Variants in CDH4 observed in about 807,000 individuals in gnomAD.
The protein encoded by CDH4 is cadherin 4.
CDH4 carries 33 observed loss-of-function variants against 86.0 expected under a neutral mutation model. The observed-to-expected ratio is 0.38, with a 90% CI of 0.29 to 0.51. The LOEUF is 0.51. Ranked by LOEUF, CDH4 falls within the 20% of genes least tolerant of loss-of-function variation. CDH4 has a pLI of 0.86. For missense variants in CDH4, 1,114 were observed against 1,307.4 expected, an observed-to-expected ratio of 0.85 and a Z score of 2.28; for synonymous variants, 555 against 549.4, an observed-to-expected ratio of 1.01 and a Z score of -0.14.
chr20:61,836,837 T>C (rs557012037), intron 4 of CDH4, among the ~76,000 whole-genome samples: 39 of 152,316 alleles, frequency 2.6e-4, no homozygotes, highest in African/African-American at 9.1e-4. Flanking sequence ...GGGTTACAAT[T>C]TTATAATCAC....
chr20:61,794,142 C>A (rs1237272568), intron 4 of CDH4, among the ~76,000 whole-genome samples: 123 of 121,618 alleles, frequency 1.0e-3, no homozygotes, highest in African/African-American at 1.4e-3. Context: ...GACTCTATCT[C>A]AAAAAAAAAA....
In CDH4 at chr20:61,888,793, C is replaced by T. The variant is rs572117644; in HGVS notation, c.1051-6117C>T. Among the ~76,000 whole-genome samples the T allele has an allele frequency of 9.6e-4, 146 of 152,358 alleles. 2 individuals are homozygous for T. In the South Asian group the frequency reaches 0.03, roughly 31 times the overall value. ...CAAAGGCCTGAAGCGCAGACTGACA[C>T]AGCATCAGGGACCCTGACCGGTCCC... On this transcript the variant is annotated intron_variant, in intron 7 of 15. Transcript: ENST00000614565.
chr20:61,740,262 T>C (rs1313420210), intron 2 of CDH4, among the ~76,000 whole-genome samples: 4 of 152,162 alleles, frequency 2.6e-5, no homozygotes, highest in East Asian at 1.9e-4. Context: ...AAATAGGATA[T>C]GGGGAGGAGT....
intron 4 of CDH4, among the ~76,000 whole-genome samples, chr20:61,817,979 C>A (rs1391653646): frequency 6.6e-6 from 1 of 152,048 alleles, no homozygotes; most frequent in East Asian, 1.9e-4. Context: ...ATGAAAACAG[C>A]CTCACACCTG....
At chr20:61,840,705 T>C (rs1452139223) in intron 4 of CDH4, among the ~76,000 whole-genome samples, 1 of 152,250 alleles carries the variant, frequency 6.6e-6, no homozygotes, top group African/African-American at 2.4e-5. Flanking sequence ...GTTTGTCTCA[T>C]TTGCCAGACA....
chr20:61,877,255 C>G (rs1473292174), intron 7 of CDH4, among the ~76,000 whole-genome samples: 4 of 152,158 alleles, frequency 2.6e-5, no homozygotes, highest in Admixed American at 6.5e-5. Flanking sequence ...GGCCAGGCCC[C>G]AGTGAGGCTG....
rs979627534 is a variant in CDH4 at position 61,684,525 on chromosome 20, A to G, written c.170-59038A>G. On this transcript the variant is annotated intron_variant, in intron 2 of 15. Transcript: ENST00000614565. This position sits in a 1 kb window ranked among gnomAD's most constrained non-coding sequence, Gnocchi z 4.5. ...ATCTCCTGGCCGCCTGTTCCATATC[A>G]CACACAAGGTCCAGCCCCCTGTGTT... Among the ~76,000 whole-genome samples the G allele has an allele frequency of 6.6e-6, 1 of 152,174 alleles. No homozygotes were observed. Among genetic ancestry groups the G allele is most frequent in the Non-Finnish European group, 1.5e-5 (1 of 68,018 alleles).
intron 3 of CDH4, among the ~76,000 whole-genome samples, chr20:61,761,663 G>T (rs2088634306): frequency 6.6e-6 from 1 of 152,220 alleles, no homozygotes; most frequent in Admixed American, 6.5e-5. Context: ...TGGCTTTGGG[G>T]ACAGAGGTGC....
At chr20:61,769,353 G>A (rs1415541486) in intron 3 of CDH4, among the ~76,000 whole-genome samples, 1 of 152,186 alleles carries the variant, frequency 6.6e-6, no homozygotes, top group Non-Finnish European at 1.5e-5. Context: ...GGACCAGCCT[G>A]GGAGCTCAGA....
intron 4 of CDH4, among the ~76,000 whole-genome samples, chr20:61,779,786 C>G (rs541712717): frequency 6.6e-6 from 1 of 152,208 alleles, no homozygotes; most frequent in East Asian, 1.9e-4. Flanking sequence ...GTCTGCATCC[C>G]GAGATGCACG....
chr20:61,428,610 G>A lies in CDH4; in HGVS notation c.169+173673G>A, dbSNP rs954598825. ...AGAACAAACCACTGCCCTTTACCACGCGGACCACAGGTGTGCTGATGATAG... is the reference window on the plus strand; with the variant it reads ...AGAACAAACCACTGCCCTTTACCACACGGACCACAGGTGTGCTGATGATAG... On this transcript the variant is annotated intron_variant, in intron 2 of 15. Transcript: ENST00000614565. 7.2e-5 allele frequency among the ~76,000 whole-genome samples: 11 copies of A among 152,110 alleles called. No homozygotes were observed. The South Asian group carries it at 1.5e-3, about 20-fold the overall frequency.
At chr20:61,916,245 C>T (rs1264569415) in intron 9 of CDH4, among the ~76,000 whole-genome samples, 1 of 152,006 alleles carries the variant, frequency 6.6e-6, no homozygotes, top group Admixed American at 6.5e-5. Flanking sequence ...GCAGGGACCC[C>T]ATGGCCCAGC....
chr20:61,446,811 G>A (rs2085352988), intron 2 of CDH4, among the ~76,000 whole-genome samples: 1 of 152,162 alleles, frequency 6.6e-6, no homozygotes, highest in Non-Finnish European at 1.5e-5. Context: ...GGTGGAGAGT[G>A]TGTACAATTA....
At chr20:61,794,014 G>A (rs1482281030) in intron 4 of CDH4, among the ~76,000 whole-genome samples, 2 of 148,598 alleles carry the variant, frequency 1.3e-5, no homozygotes, top group African/African-American at 5.0e-5. Context: ...GTGGTGGCGG[G>A]CACCTGTAGT....
chr20:61,934,572 G>A (rs2055156921), intron 15 of CDH4, among the ~76,000 whole-genome samples: 2 of 152,256 alleles, frequency 1.3e-5, no homozygotes, highest in African/African-American at 2.4e-5. Context: ...CGACGGCGGG[G>A]AAGGCGCACT....
intron 6 of CDH4, among the ~76,000 whole-genome samples, chr20:61,854,471 G>A (rs1179187160): frequency 6.6e-6 from 1 of 151,618 alleles, no homozygotes; most frequent in Non-Finnish European, 1.5e-5. Context: ...CCACCCCCAG[G>A]GCTGCAGTGT....
At chr20:61,308,399 T>C (rs926915764) in intron 2 of CDH4, among the ~76,000 whole-genome samples, 6 of 152,198 alleles carry the variant, frequency 3.9e-5, no homozygotes, top group African/African-American at 1.2e-4. Flanking sequence ...CGATGTCTTT[T>C]GTGGGGAGGA....
At chr20:61,271,712 G>A (rs757758644) in intron 2 of CDH4, among the ~76,000 whole-genome samples, 4 of 152,206 alleles carry the variant, frequency 2.6e-5, no homozygotes, top group Non-Finnish European at 5.9e-5. Flanking sequence ...CAACCTGGAG[G>A]TTGTGCCTTA....
chr20:61,383,263 TG>T (rs1306038509), intron 2 of CDH4, among the ~76,000 whole-genome samples: 1 of 52,274 alleles, frequency 1.9e-5, no homozygotes, highest in African/African-American at 7.2e-5. Context: ...TGAATATATG[TG>T]ATATATATGA....
Sources: allele counts gnomAD v4.1 joint callset (sites outside exome capture counted in the v4.1 genomes callset), GRCh38; gene constraint gnomAD v4.1.1; non-coding constraint Gnocchi (gnomAD v3.1); transcripts MANE v1.5; gene names NCBI Gene and HGNC (gene_info 2026-07-23, HGNC 2026-07-21).